The following METTL25 variants were observed in gnomAD, a reference collection of about 807,000 sequenced individuals.
METTL25 encodes methyltransferase like 25.
A neutral mutation model predicts 71.6 loss-of-function variants in METTL25; 64 were observed. The observed-to-expected ratio is 0.89, with a 90% CI of 0.73 to 1.10. The LOEUF is 1.10. Ranked by LOEUF, METTL25 falls within the 50% of genes least tolerant of loss-of-function variation. METTL25 has a pLI of 0.00. For synonymous variants in METTL25, 287 were observed against 250.3 expected, an observed-to-expected ratio of 1.15 and a Z score of -1.38; for missense variants, 807 against 707.0, an observed-to-expected ratio of 1.14 and a Z score of -1.60.
intron 6 of METTL25, 109 bp from the exon 7 acceptor site, chr12:82,434,586 A>G: frequency 1.2e-6 from 1 of 845,144 alleles, no homozygotes; most frequent in South Asian, 1.5e-5. Flanking sequence ...ACATATTATC[A>G]CATAATTAAT....
intron 8 of METTL25, among the ~76,000 whole-genome samples, chr12:82,449,668 T>G (rs1404294922): frequency 6.6e-6 from 1 of 152,302 alleles, no homozygotes; most frequent in South Asian, 2.1e-4. Flanking sequence ...TTCACTGTTC[T>G]TACTGAACCT....
intron 9 of METTL25, among the ~76,000 whole-genome samples, chr12:82,461,572 G>A (rs1456866051): frequency 2.0e-5 from 3 of 151,888 alleles, no homozygotes; most frequent in African/African-American, 7.3e-5. Context: ...TGCTTGTTTG[G>A]CATTTTTCCA....
intron 2 of METTL25, among the ~76,000 whole-genome samples, chr12:82,387,558 T>C (rs1205477006): frequency 6.6e-6 from 1 of 152,052 alleles, no homozygotes; most frequent in African/African-American, 2.4e-5. Flanking sequence ...ATCTCTTATT[T>C]GATCCTTATT....
At chr12:82,388,116 A>G (rs1186627001) in intron 2 of METTL25, among the ~76,000 whole-genome samples, 1 of 151,996 alleles carries the variant, frequency 6.6e-6, no homozygotes, top group Non-Finnish European at 1.5e-5. Context: ...CCCCAACATT[A>G]GATTCAGGTT....
chr12:82,393,919 G>C (rs1222378865), intron 3 of METTL25, among the ~76,000 whole-genome samples: 1 of 151,724 alleles, frequency 6.6e-6, no homozygotes, highest in Admixed American at 6.6e-5. Context: ...GCTGTATCCC[G>C]TGGGTTTTGG....
intron 1 of METTL25, among the ~76,000 whole-genome samples, chr12:82,368,327 A>C (rs1232709273): frequency 6.6e-6 from 1 of 152,142 alleles, no homozygotes; most frequent in East Asian, 1.9e-4. Context: ...CATTTTTTTT[A>C]GCCAACATTT....
At chr12:82,424,578 A>G in intron 5 of METTL25, among the ~76,000 whole-genome samples, 1 of 152,040 alleles carries the variant, frequency 6.6e-6, no homozygotes, top group South Asian at 2.1e-4. Flanking sequence ...GATATTGATA[A>G]TGCAAAACTA....
intron 5 of METTL25, among the ~76,000 whole-genome samples, chr12:82,405,234 A>G (rs1283801549): frequency 6.6e-6 from 1 of 151,554 alleles, no homozygotes; most frequent in African/African-American, 2.4e-5. Context: ...TCTCTCTCAC[A>G]CTCTTTTCTG....
intron 8 of METTL25, among the ~76,000 whole-genome samples, chr12:82,451,525 C>G (rs1891146832): frequency 6.6e-6 from 1 of 152,142 alleles, no homozygotes; most frequent in African/African-American, 2.4e-5. Context: ...ATGCCTGGAA[C>G]ATACTGATTG....
intron 5 of METTL25, among the ~76,000 whole-genome samples, chr12:82,421,990 C>T (rs978755163): frequency 1.3e-5 from 2 of 152,170 alleles, no homozygotes; most frequent in Non-Finnish European, 2.9e-5. Flanking sequence ...TGGTACCATT[C>T]CTTCTGAAAC....
chr12:82,468,846 C>T (rs1042898616), intron 9 of METTL25: 4 of 152,212 alleles, frequency 2.6e-5, no homozygotes, highest in Admixed American at 6.5e-5. Flanking sequence ...GCCAGGAACA[C>T]GAGTATTCCC....
intron 1 of METTL25, among the ~76,000 whole-genome samples, chr12:82,371,266 C>T (rs1164085509): frequency 3.3e-5 from 5 of 152,182 alleles, no homozygotes; most frequent in Non-Finnish European, 5.9e-5. Flanking sequence ...AGGGTGATGA[C>T]GTGAGCTGGT....
intron 5 of METTL25, among the ~76,000 whole-genome samples, chr12:82,420,064 A>G (rs4517594): frequency 0.92 from 140,166 of 152,184 alleles, 64,905 homozygotes; most frequent in East Asian, 1. Flanking sequence ...TTTCTACAAT[A>G]TGGATGGACC....
At chr12:82,446,169 T>C (rs895125812) in intron 8 of METTL25, among the ~76,000 whole-genome samples, 6 of 152,154 alleles carry the variant, frequency 3.9e-5, no homozygotes, top group African/African-American at 1.4e-4. Flanking sequence ...CATGAAAATA[T>C]ATAAAGCAAA....
At chr12:82,439,505 AT>A (rs1177914287) in intron 8 of METTL25, among the ~76,000 whole-genome samples, 1 of 151,878 alleles carries the variant, frequency 6.6e-6, no homozygotes, top group Non-Finnish European at 1.5e-5. Flanking sequence ...GTTCTCAAAA[AT>A]AATTCACATT....
intron 9 of METTL25, among the ~76,000 whole-genome samples, chr12:82,459,373 A>G (rs1477556936): frequency 1.3e-5 from 2 of 152,236 alleles, no homozygotes; most frequent in Non-Finnish European, 2.9e-5. Flanking sequence ...CACACCTGTA[A>G]TCCCAACACT....
intron 9 of METTL25, among the ~76,000 whole-genome samples, chr12:82,466,063 T>C (rs537032893): frequency 1.1e-3 from 166 of 151,740 alleles, no homozygotes; most frequent in African/African-American, 3.9e-3. Flanking sequence ...TTTTTTGTTT[T>C]GTTCTCTTTT....
At chr12:82,361,564 C>T (rs1315412771) in intron 1 of METTL25, among the ~76,000 whole-genome samples, 1 of 152,178 alleles carries the variant, frequency 6.6e-6, no homozygotes, top group East Asian at 1.9e-4. Flanking sequence ...CCCTGCCCCG[C>T]AGGGAGGCAG....
At chr12:82,359,968 A>G (rs1384849991) in intron 1 of METTL25, among the ~76,000 whole-genome samples, 1 of 152,204 alleles carries the variant, frequency 6.6e-6, no homozygotes, top group Admixed American at 6.5e-5. Context: ...TTGCTCTCAT[A>G]ATAAATATAT....
Sources: allele counts gnomAD v4.1 joint callset (sites outside exome capture counted in the v4.1 genomes callset), GRCh38; gene constraint gnomAD v4.1.1; transcripts MANE v1.5; gene names NCBI Gene and HGNC (gene_info 2026-07-23, HGNC 2026-07-21).